RASL10B: variants seen among roughly 807,000 people sequenced by gnomAD.
RASL10B encodes ras-like protein family member 10B.
In RASL10B, 10 loss-of-function variants were observed where a neutral mutation model predicts 20.7. The observed-to-expected ratio is 0.48, with a 90% CI of 0.30 to 0.82. RASL10B has a LOEUF of 0.82. Ranked by LOEUF, RASL10B falls within the 40% of genes least tolerant of loss-of-function variation. The probability of loss-of-function intolerance (pLI) is 0.07; values close to 1 mark genes in which losing one functional copy is unlikely to be tolerated. For synonymous variants in RASL10B, 110 were observed against 123.3 expected (o/e 0.89, Z 0.72); for missense variants, 231 against 295.4 (o/e 0.78, Z 1.60).
At position 35,740,505 on chromosome 17, in the gene RASL10B, A is replaced by G; in HGVS notation, c.313A>G (p.Thr105Ala). 9 of 1,613,772 alleles carry G rather than the reference A, an allele frequency of 5.6e-6. No individual in the cohort carries two copies. Among genetic ancestry groups the G allele is most frequent in the Non-Finnish European group, 7.6e-6 (9 of 1,179,848 alleles). The change falls in exon 3 of 4, where the codon ACC (threonine) becomes GCC (alanine). Residue 105 changes from threonine (T) to alanine (A), a missense_variant. Thr to Ala is a moderately conservative substitution (Grantham distance 58). Transcript: ENST00000603017. ...CCFDSFEYVK[T>A]IRQQILETRV... ...CTTTGACAGCTTTGAGTACGTCAAG[A>G]CCATCCGCCAGCAGATCCTGGAGAC...
chr17:35,740,650 C>G, intron 3 of RASL10B, 117 bp downstream of exon 3: 1 of 1,219,302 alleles, frequency 8.2e-7, no homozygotes, highest in Non-Finnish European at 1.1e-6. Flanking sequence ...TCTAAGATTT[C>G]CACACATACA....
rs1234116399 is a variant in RASL10B, at chr17:35,742,464, G to A, written c.*1159G>A. ...CTCCTGCCACAGATGGAGGCCCTCAGGATCTGACACCCTCTTGTCCCAACA... is the reference window on the plus strand; with the variant it reads ...CTCCTGCCACAGATGGAGGCCCTCAAGATCTGACACCCTCTTGTCCCAACA... On this transcript the variant is annotated 3_prime_UTR_variant, in exon 4 of 4. Coordinates refer to ENST00000603017, the MANE Select transcript of RASL10B (RefSeq NM_033315.4). 6.5e-6 allele frequency: 1 copy of A among 152,712 alleles called. No individual in the cohort carries two copies. Among genetic ancestry groups the A allele is most frequent in the East Asian group, 1.9e-4 (1 of 5,196 alleles). 9.5% of individuals were successfully genotyped at this position (152,712 alleles called of 1,614,324 possible). A position where few individuals can be genotyped will look rare whatever the true frequency, so the allele number is the denominator to read the frequency against.
intron 2 of RASL10B, among the ~76,000 whole-genome samples, chr17:35,738,067 T>C (rs1455756540): frequency 2.0e-5 from 3 of 152,142 alleles, no homozygotes; most frequent in Non-Finnish European, 4.4e-5. Flanking sequence ...CTTTTGACAA[T>C]ATATTTGACA....
In RASL10B at chr17:35,743,458, C is replaced by A. The variant is rs1365254968; in HGVS notation, c.*2153C>A. 1 of 152,764 alleles carries A rather than the reference C, an allele frequency of 6.5e-6. No individual in the cohort carries two copies. Among genetic ancestry groups the A allele is most frequent in the African/African-American group, 2.4e-5 (1 of 41,468 alleles). 9.5% of individuals were successfully genotyped at this position (152,764 alleles called of 1,614,324 possible). A position where few individuals can be genotyped will look rare whatever the true frequency, so the allele number is the denominator to read the frequency against. On this transcript the variant is annotated 3_prime_UTR_variant, in exon 4 of 4. Coordinates refer to ENST00000603017, the MANE Select transcript of RASL10B (RefSeq NM_033315.4). ...CCACAGGGTCTGGAAGTGTGTGTGACGCCCATTGAGCTGTTACCCGAAGTC... is the reference window on the plus strand; with the variant it reads ...CCACAGGGTCTGGAAGTGTGTGTGAAGCCCATTGAGCTGTTACCCGAAGTC...
chr17:35,732,486 A>C (rs1171885248), intron 1 of RASL10B, among the ~76,000 whole-genome samples: 2 of 152,196 alleles, frequency 1.3e-5, no homozygotes, highest in Non-Finnish European at 2.9e-5. Flanking sequence ...AGGGTGTTGG[A>C]TTAATATACT....
chr17:35,733,573 G>A (rs1360266380), intron 1 of RASL10B, among the ~76,000 whole-genome samples: 2 of 152,212 alleles, frequency 1.3e-5, no homozygotes, highest in African/African-American at 2.4e-5. Flanking sequence ...ATGCACCCAT[G>A]CGGAAAAGCA....
intron 2 of RASL10B, among the ~76,000 whole-genome samples, chr17:35,738,090 A>C (rs1555597444): frequency 6.6e-6 from 1 of 152,126 alleles, no homozygotes; most frequent in East Asian, 1.9e-4. Flanking sequence ...CTGAGAGATG[A>C]GATATGATAT....
chr17:35,735,382 C>G lies in RASL10B; in HGVS notation c.198C>G (p.Phe66Leu). The change falls in exon 2 of 4, where the codon TTC becomes TTG. Residue 66 changes from phenylalanine to leucine, a missense_variant. Coordinates refer to ENST00000603017, the MANE Select transcript of RASL10B (RefSeq NM_033315.4). The surrounding 1 kb of genome is among the most constrained non-coding windows in gnomAD (Gnocchi z 6.7). ...TCGACTTTCCACCCATCAGCGCCTT[C>G]CCTGTCAATACGCTCCAGGTAGGAG... ...QILDFPPISA[F>L]PVNTLQEWAD... 1 of 1,614,158 alleles carries G rather than the reference C, an allele frequency of 6.2e-7. No homozygotes were observed. Among genetic ancestry groups the G allele is most frequent in the East Asian group, 2.2e-5 (1 of 44,890 alleles).
chr17:35,735,190 C>T lies in RASL10B; in HGVS notation c.6C>T (p.Val2=), dbSNP rs781929798. The T allele has an allele frequency of 2.5e-6, 4 of 1,609,370 alleles. No homozygotes were observed. The highest frequency in any genetic ancestry group is 2.2e-5 in the East Asian group (1 of 44,852). M[V]STYRVAVLGA... The stretch of plus-strand genomic sequence containing the variant: ...GGCGGAGTGGGGCGGGAGGCATGGT[C>T]TCCACCTACCGGGTGGCCGTGCTGG... The change falls in exon 2 of 4, where the codon GTC becomes GTT. Residue 2 remains valine (V), a synonymous_variant. Coordinates refer to ENST00000603017, the MANE Select transcript of RASL10B (RefSeq NM_033315.4). This position sits in a 1 kb window ranked among gnomAD's most constrained non-coding sequence, Gnocchi z 6.7.
chr17:35,735,110 C>T lies in RASL10B; in HGVS notation c.-75C>T. 1 of 1,475,612 alleles carries T rather than the reference C, an allele frequency of 6.8e-7. No individual in the cohort carries two copies. 91.4% of individuals were successfully genotyped at this position (1,475,612 alleles called of 1,614,324 possible). On this transcript the variant is annotated 5_prime_UTR_variant, in exon 2 of 4. Transcript: ENST00000603017. This position sits in a 1 kb window ranked among gnomAD's most constrained non-coding sequence, Gnocchi z 6.7. ...GTTGGTCCTGACGGTGGCTGAGCCC[C>T]CAGCCCCTGGAATATGCAGCCCGGG...
At chr17:35,740,141 G>C (rs2085620509) in intron 2 of RASL10B, among the ~76,000 whole-genome samples, 1 of 152,218 alleles carries the variant, frequency 6.6e-6, no homozygotes, top group Admixed American at 6.5e-5. Flanking sequence ...GCACGACATG[G>C]AGCAAGGCAG....
In RASL10B at chr17:35,741,363, T is replaced by G. The variant is rs2085628309; in HGVS notation, c.*58T>G. The stretch of plus-strand genomic sequence containing the variant: ...GGCCGAGCGGAGGGCGGGGCCGTAC[T>G]GCGGGGCTGGGGCGGGGAGCGGGCG... On this transcript the variant is annotated 3_prime_UTR_variant, in exon 4 of 4. Coordinates refer to ENST00000603017, the MANE Select transcript of RASL10B (RefSeq NM_033315.4). The G allele has an allele frequency of 7.3e-7, 1 of 1,375,088 alleles. No individual in the cohort carries two copies. Among genetic ancestry groups the G allele is most frequent in the African/African-American group, 1.5e-5 (1 of 65,208 alleles). The allele number at this position is 1,375,088 out of a possible 1,614,324, so 85.2% of individuals were successfully genotyped here. A position where few individuals can be genotyped will look rare whatever the true frequency, so the allele number is the denominator to read the frequency against.
At position 35,743,264 on chromosome 17, in the gene RASL10B, G is replaced by A. The variant is rs226417; in HGVS notation, c.*1959G>A. On this transcript the variant is annotated 3_prime_UTR_variant, in exon 4 of 4. Coordinates refer to ENST00000603017, the MANE Select transcript of RASL10B (RefSeq NM_033315.4). The stretch of plus-strand genomic sequence containing the variant: ...CACCAACTCTGAGGCACCTGGGGTG[G>A]GGGGGCGGAGCCCAGGCCTCTGGCT... 0.16 allele frequency: 24,375 copies of A among 152,862 alleles called. 2,646 individuals carry two copies. The highest frequency in any genetic ancestry group is 0.31 in the African/African-American group (12,912 of 41,532). 9.5% of individuals were successfully genotyped at this position (152,862 alleles called of 1,614,324 possible).
chr17:35,741,358 C>T lies in RASL10B; in HGVS notation c.*53C>T. ...GCACTGGCCGAGCGGAGGGCGGGGC[C>T]GTACTGCGGGGCTGGGGCGGGGAGC... On this transcript the variant is annotated 3_prime_UTR_variant, in exon 4 of 4. Coordinates refer to ENST00000603017, the MANE Select transcript of RASL10B (RefSeq NM_033315.4). The T allele has an allele frequency of 5.8e-6, 8 of 1,378,022 alleles. No homozygotes were observed. The highest frequency in any genetic ancestry group is 7.5e-6 in the Non-Finnish European group (8 of 1,071,796). The allele number at this position is 1,378,022 out of a possible 1,614,324, so 85.4% of individuals were successfully genotyped here.
chr17:35,734,317 G>A (rs1197850194), intron 1 of RASL10B, among the ~76,000 whole-genome samples: 1 of 152,186 alleles, frequency 6.6e-6, no homozygotes, highest in Non-Finnish European at 1.5e-5. Context: ...TGCCCTTCGG[G>A]TTGTGATTGG....
rs943121110 is a variant in RASL10B at position 35,733,006 on chromosome 17, G to T, written c.-148+1128G>T. On this transcript the variant is annotated intron_variant, in intron 1 of 3. Coordinates refer to ENST00000603017, the MANE Select transcript of RASL10B (RefSeq NM_033315.4). ...AAGTGTATAAACACCTGTTGGAGAA[G>T]GGACACTGCATGGGGCAGGAAGGAG... Among the ~76,000 whole-genome samples the T allele has an allele frequency of 3.2e-4, 48 of 152,202 alleles. 1 individual carries two copies.
chr17:35,739,698 G>T (rs2085616689), intron 2 of RASL10B, among the ~76,000 whole-genome samples: 1 of 152,218 alleles, frequency 6.6e-6, no homozygotes, highest in African/African-American at 2.4e-5. Flanking sequence ...CAGTCTAAGG[G>T]CAGTGGCAGA....
rs375839766 is a variant in RASL10B at position 35,733,877 on chromosome 17, G to A, written c.-147-1161G>A. Among the ~76,000 whole-genome samples, 6 of 152,338 alleles carry A rather than the reference G, an allele frequency of 3.9e-5. No homozygotes were observed. The South Asian group carries it at 8.3e-4, about 21-fold the overall frequency. On this transcript the variant is annotated intron_variant, in intron 1 of 3. Coordinates refer to ENST00000603017, the MANE Select transcript of RASL10B (RefSeq NM_033315.4). ...AGGACACACCAGAGCTGATGAATTC[G>A]TATCAAGGCCCAAACCCCTAGCAGC...
Position 35,735,016 on chromosome 17 carries a change from A to G in RASL10B, c.-147-22A>G, listed in dbSNP as rs1184990574. ...CGTCCAGGGATAAGCCAGTGCACTAAGCCCACCTCTTGTCCCCACAGTCCA... is the reference window on the plus strand; with the variant it reads ...CGTCCAGGGATAAGCCAGTGCACTAGGCCCACCTCTTGTCCCCACAGTCCA... On this transcript the variant is annotated intron_variant, in intron 1 of 3. Coordinates refer to ENST00000603017, the MANE Select transcript of RASL10B (RefSeq NM_033315.4). This position sits in a 1 kb window ranked among gnomAD's most constrained non-coding sequence, Gnocchi z 6.7. 4.5e-6 allele frequency: 3 copies of G among 664,198 alleles called. No individual in the cohort carries two copies. Among genetic ancestry groups the G allele is most frequent in the Non-Finnish European group, 7.9e-6 (3 of 380,146 alleles). 41.1% of individuals were successfully genotyped at this position (664,198 alleles called of 1,614,324 possible).
Sources: gnomAD v4.1 joint callset for allele counts (sites outside exome capture counted in the v4.1 genomes callset) on GRCh38, gnomAD v4.1.1 for gene constraint, Gnocchi (gnomAD v3.1) non-coding constraint, MANE v1.5 for transcripts, NCBI Gene and HGNC (gene_info 2026-07-23, HGNC 2026-07-21) for gene names.